The following SNTG2 variants were observed in gnomAD, a reference collection of about 807,000 sequenced individuals.
SNTG2 encodes syntrophin gamma 2.
In SNTG2, 74 loss-of-function variants were observed where a neutral mutation model predicts 70.9. The ratio of observed to expected loss-of-function variants is 1.04; its 90% confidence interval spans 0.86 to 1.27. SNTG2 has a LOEUF of 1.27. Ranked by LOEUF, SNTG2 falls within the 50% of genes most tolerant of loss-of-function variation. SNTG2 has a pLI of 0.00. For synonymous variants in SNTG2, 278 were observed against 273.8 expected, an observed-to-expected ratio of 1.02 and a Z score of -0.15; for missense variants, 717 against 690.7, an observed-to-expected ratio of 1.04 and a Z score of -0.43.
At chr2:1,118,731 A>G (rs1369747561) in intron 4 of SNTG2, among the ~76,000 whole-genome samples, 1 of 152,164 alleles carries the variant, frequency 6.6e-6, no homozygotes, top group Non-Finnish European at 1.5e-5. Context: ...TGAATAGAAA[A>G]CGGAATAAAA....
chr2:1,232,447 G>A (rs572729258), intron 9 of SNTG2, among the ~76,000 whole-genome samples: 17 of 151,982 alleles, frequency 1.1e-4, no homozygotes, highest in Non-Finnish European at 1.9e-4. Context: ...CTACAGGCCC[G>A]CCACCATGCC....
rs1256182954 is a variant in SNTG2, at chr2:1,316,413, C to T, written c.1488+38C>T. The T allele has an allele frequency of 2.7e-6, 3 of 1,101,590 alleles. No individual in the cohort carries two copies. The East Asian group carries it at 7.8e-5, about 29-fold the overall frequency. 68.2% of individuals were successfully genotyped at this position (1,101,590 alleles called of 1,614,324 possible). On this transcript the variant is annotated intron_variant, in intron 16 of 16. Transcript: ENST00000308624. ...GGGCATGGGTTATTCTGCCACCACCCACACATAAAGTACAGCTCAGAGGGT... is the reference window on the plus strand; with the variant it reads ...GGGCATGGGTTATTCTGCCACCACCTACACATAAAGTACAGCTCAGAGGGT...
rs1254931831 is a variant in SNTG2 at position 1,353,335 on chromosome 2, C to T, written c.1489-14008C>T. The stretch of plus-strand genomic sequence containing the variant: ...TCATCGTATAAACATAAGGAAGTGC[C>T]TGGGGCCCTGGCTTGGACTCTCTGC... On this transcript the variant is annotated intron_variant, in intron 16 of 16. Coordinates refer to ENST00000308624, the MANE Select transcript of SNTG2 (RefSeq NM_018968.4). This position sits in a 1 kb window ranked among gnomAD's most constrained non-coding sequence, Gnocchi z 4.2. Among the ~76,000 whole-genome samples the T allele has an allele frequency of 1.3e-5, 2 of 152,164 alleles. No homozygotes were observed. Among genetic ancestry groups the T allele is most frequent in the Non-Finnish European group, 1.5e-5 (1 of 68,042 alleles).
chr2:994,300 A>G (rs1661602607), intron 1 of SNTG2, among the ~76,000 whole-genome samples: 1 of 152,106 alleles, frequency 6.6e-6, no homozygotes, highest in African/African-American at 2.4e-5. Context: ...CCTGTTGAAA[A>G]TCAAATTATA....
chr2:1,120,625 C>G (rs1276311944), intron 4 of SNTG2, among the ~76,000 whole-genome samples: 1 of 152,040 alleles, frequency 6.6e-6, no homozygotes, highest in Non-Finnish European at 1.5e-5. Context: ...TCTGATAAAA[C>G]AGACTTTAAA....
intron 1 of SNTG2, among the ~76,000 whole-genome samples, chr2:1,020,927 T>G (rs1283355263): frequency 6.6e-6 from 1 of 152,222 alleles, no homozygotes; most frequent in Non-Finnish European, 1.5e-5. Context: ...ATGATCCTTC[T>G]GAGTCAATTA....
At chr2:980,142 A>G (rs1661051549) in intron 1 of SNTG2, among the ~76,000 whole-genome samples, 2 of 152,138 alleles carry the variant, frequency 1.3e-5, no homozygotes, top group Admixed American at 6.6e-5. Flanking sequence ...CATCCTCCTT[A>G]TAGTTAATTC....
intron 6 of SNTG2, among the ~76,000 whole-genome samples, chr2:1,144,780 A>G (rs7598018): frequency 0.42 from 63,612 of 151,978 alleles, 14,439 homozygotes; most frequent in East Asian, 0.93. Context: ...ACCTCCCACC[A>G]GGTCCCTCCC....
At chr2:1,293,705 A>C (rs1680082683) in intron 14 of SNTG2, among the ~76,000 whole-genome samples, 1 of 152,208 alleles carries the variant, frequency 6.6e-6, no homozygotes, top group African/African-American at 2.4e-5. Context: ...AGTTCAAAAA[A>C]AAAAGATAAT....
chr2:988,001 T>C (rs1219079700), intron 1 of SNTG2, among the ~76,000 whole-genome samples: 1 of 152,212 alleles, frequency 6.6e-6, no homozygotes, highest in Admixed American at 6.5e-5. Context: ...CTTCCTGCCC[T>C]CAGCCTCGCC....
At chr2:1,358,790 C>T (rs950407123) in intron 16 of SNTG2, among the ~76,000 whole-genome samples, 2 of 152,272 alleles carry the variant, frequency 1.3e-5, no homozygotes, top group Middle Eastern at 6.8e-3. Flanking sequence ...GAGAATGCTC[C>T]TGTACACATT....
intron 1 of SNTG2, among the ~76,000 whole-genome samples, chr2:979,701 G>C (rs1489049066): frequency 6.6e-6 from 1 of 152,024 alleles, no homozygotes; most frequent in Non-Finnish European, 1.5e-5. Context: ...TCAAGACCGG[G>C]AACAAATCAG....
intron 6 of SNTG2, among the ~76,000 whole-genome samples, chr2:1,164,190 T>G (rs961055581): frequency 6.6e-6 from 1 of 151,766 alleles, no homozygotes; most frequent in Non-Finnish European, 1.5e-5. Context: ...CTGCCGAAAT[T>G]GTGGGCAGTC....
chr2:1,007,896 A>G (rs1246220627), intron 1 of SNTG2, among the ~76,000 whole-genome samples: 2 of 152,322 alleles, frequency 1.3e-5, no homozygotes, highest in South Asian at 2.1e-4. Context: ...CTGGGATTAC[A>G]GATGACTGCC....
At chr2:1,219,986 T>C (rs1674644811) in intron 9 of SNTG2, 1 of 152,218 alleles carries the variant, frequency 6.6e-6, no homozygotes, top group Admixed American at 6.5e-5. Flanking sequence ...ATACTGCAAG[T>C]CAGAATTATA....
chr2:1,217,127 TAA>T (rs892775583), intron 9 of SNTG2, among the ~76,000 whole-genome samples: 12 of 149,324 alleles, frequency 8.0e-5, no homozygotes, highest in Admixed American at 8.0e-4. Context: ...GTTCTTTTTT[TAA>T]AAAAAAAAGA....
chr2:1,322,272 G>A (rs747300346), intron 16 of SNTG2, among the ~76,000 whole-genome samples: 18 of 152,170 alleles, frequency 1.2e-4, no homozygotes, highest in Non-Finnish European at 2.5e-4. Flanking sequence ...TGCAGCAGGG[G>A]CAAGTCAGAA....
At chr2:1,337,312 G>T (rs1012574562) in intron 16 of SNTG2, among the ~76,000 whole-genome samples, 6 of 152,100 alleles carry the variant, frequency 3.9e-5, no homozygotes, top group African/African-American at 1.4e-4. Flanking sequence ...ACCAACAAAG[G>T]AAATTGGAAT....
chr2:1,075,607 G>GT (rs1663865591), intron 1 of SNTG2, among the ~76,000 whole-genome samples: 1 of 152,158 alleles, frequency 6.6e-6, no homozygotes, highest in African/African-American at 2.4e-5. Context: ...AGTGGCGTTC[G>GT]TTTTTCTTCT....
Sources: allele counts gnomAD v4.1 joint callset (sites outside exome capture counted in the v4.1 genomes callset), GRCh38; gene constraint gnomAD v4.1.1; non-coding constraint Gnocchi (gnomAD v3.1); transcripts MANE v1.5; gene names NCBI Gene and HGNC (gene_info 2026-07-23, HGNC 2026-07-21).